ZNF391: variants seen among roughly 807,000 people sequenced by gnomAD.
ZNF391 encodes the protein zinc finger protein 391.
For missense variants in ZNF391, 375 were observed against 425.5 expected, an observed-to-expected ratio of 0.88 and a Z score of 1.04; for synonymous variants, 126 against 142.1, an observed-to-expected ratio of 0.89 and a Z score of 0.80.
At chr6:27,391,400 G>T (rs944903998) in intron 1 of ZNF391, among the ~76,000 whole-genome samples, 1 of 151,900 alleles carries the variant, frequency 6.6e-6, no homozygotes, top group Non-Finnish European at 1.5e-5. Context: ...TTGAGACAGG[G>T]TTTCCCCATG....
Position 27,376,036 on chromosome 6 carries a change from A to G in ZNF391, n.523+899A>G, listed in dbSNP as rs1761412814. 6.6e-6 allele frequency among the ~76,000 whole-genome samples: 1 copy of G among 152,198 alleles called. No homozygotes were observed. Among genetic ancestry groups the G allele is most frequent in the African/African-American group, 2.4e-5 (1 of 41,446 alleles). On this transcript the variant is annotated intron_variant and non_coding_transcript_variant, in intron 1 of 2. Coordinates refer to the ZNF391 transcript ENST00000477999. The surrounding 1 kb of genome is among the most constrained non-coding windows in gnomAD (Gnocchi z 4.7). ...CAAAGTCATTTATGGTGTAAGCCCT[A>G]TGGAGAAGATATTTCCTGCTATACC...
At chr6:27,378,490 C>G (rs1253355923) in intron 1 of ZNF391, among the ~76,000 whole-genome samples, 1 of 151,996 alleles carries the variant, frequency 6.6e-6, no homozygotes, top group African/African-American at 2.4e-5. Context: ...GATTTTTGAG[C>G]CAGGATGAGC....
rs1439180662 is a variant in ZNF391 at position 27,401,669 on chromosome 6, TG to T, written c.*223del. The T allele has an allele frequency of 2.5e-6, 1 of 404,248 alleles. No homozygotes were observed. The highest frequency in any genetic ancestry group is 2.0e-5 in the African/African-American group (1 of 49,386). The allele number at this position is 404,248 out of a possible 1,614,324, so 25.0% of individuals were successfully genotyped here. On this transcript the variant is annotated 3_prime_UTR_variant, in exon 3 of 3. Transcript: ENST00000244576. ...CCTTCCTACTTTTTCTCCCTCTCCC[TG>T]TTCTTTCTTTCTCTTTTCTCAAATA...
At chr6:27,378,795 A>C (rs1045461715) in intron 1 of ZNF391, among the ~76,000 whole-genome samples, 10 of 152,300 alleles carry the variant, frequency 6.6e-5, no homozygotes, top group African/African-American at 1.9e-4. Context: ...ATGTATTTGA[A>C]GCTGTGCATG....
At chr6:27,383,605 T>C (rs1401176098) in intron 1 of ZNF391, among the ~76,000 whole-genome samples, 1 of 152,190 alleles carries the variant, frequency 6.6e-6, no homozygotes, top group Non-Finnish European at 1.5e-5. Context: ...CTTCACATAG[T>C]GGAGAGCAGA....
At chr6:27,383,484 G>T (rs1049297454) in intron 1 of ZNF391, among the ~76,000 whole-genome samples, 30 of 152,220 alleles carry the variant, frequency 2.0e-4, no homozygotes, top group African/African-American at 7.0e-4. Context: ...ATTAACAAAA[G>T]AAATTTATTT....
chr6:27,378,866 G>C (rs13215216), intron 1 of ZNF391, among the ~76,000 whole-genome samples: 108,368 of 151,804 alleles, frequency 0.71, 38,850 homozygotes, highest in Middle Eastern at 0.8. Context: ...GGGTTTGAAG[G>C]TGCAGTGAGC....
rs1391257018 is a variant in ZNF391, at chr6:27,388,798, AGACTTAGGTCCAGGC to A, written c.-460_-446del. The A allele has an allele frequency of 2.4e-6, 1 of 417,194 alleles. No homozygotes were observed. Among genetic ancestry groups the A allele is most frequent in the Non-Finnish European group, 4.7e-6 (1 of 214,424 alleles). The allele number at this position is 417,194 out of a possible 1,614,324, so 25.8% of individuals were successfully genotyped here. On this transcript the variant is annotated 5_prime_UTR_variant, in exon 1 of 3. Transcript: ENST00000244576. ...TTTGCAACTGGTCGTCCGCGTCAGG[AGACTTAGGTCCAGGC>A]GACTGCCCAGACAATGACTGGTCCC...
intron 1 of ZNF391, among the ~76,000 whole-genome samples, chr6:27,398,846 G>A (rs978165771): frequency 1.3e-5 from 2 of 151,800 alleles, no homozygotes; most frequent in East Asian, 1.9e-4. Flanking sequence ...GCAACAGAGC[G>A]AGACTCCATC....
At chr6:27,380,796 C>A (rs1251052433) in intron 1 of ZNF391, among the ~76,000 whole-genome samples, 3 of 129,538 alleles carry the variant, frequency 2.3e-5, no homozygotes, top group Non-Finnish European at 5.1e-5. Flanking sequence ...AGGGTTGACA[C>A]AAAGGTTCTC....
upstream of ZNF391, among the ~76,000 whole-genome samples, chr6:27,387,822 G>A (rs1403020524): frequency 6.6e-6 from 1 of 152,136 alleles, no homozygotes; most frequent in Non-Finnish European, 1.5e-5. Context: ...TTGTGAATAC[G>A]CTAAAAACTT....
chr6:27,399,223 ATGTGTGTATGTATGTAACCTGTG>A (rs1282910746), intron 1 of ZNF391, among the ~76,000 whole-genome samples, 196 bp from the exon 2 acceptor site: 4 of 152,148 alleles, frequency 2.6e-5, no homozygotes, highest in African/African-American at 9.7e-5. Flanking sequence ...TCTGATGTGT[ATGTGTGTATGTATGTAACCTGTG>A]TGTGTGTATG....
At chr6:27,377,750 T>A (rs1363676604) in intron 1 of ZNF391, among the ~76,000 whole-genome samples, 1 of 152,226 alleles carries the variant, frequency 6.6e-6, no homozygotes. Flanking sequence ...CACTGGCACA[T>A]CCTCAACCTT....
chr6:27,383,274 G>A (rs1338249829), intron 1 of ZNF391, among the ~76,000 whole-genome samples: 2 of 151,140 alleles, frequency 1.3e-5, no homozygotes, highest in Non-Finnish European at 3.0e-5. Flanking sequence ...AAGACAGGGG[G>A]TGGGGAAGGA....
intron 1 of ZNF391, among the ~76,000 whole-genome samples, chr6:27,379,085 C>G (rs889053296): frequency 6.6e-6 from 1 of 152,236 alleles, no homozygotes; most frequent in African/African-American, 2.4e-5. Context: ...CCTTTACATA[C>G]TCAAACTGCT....
At position 27,402,923 on chromosome 6, in the gene ZNF391, A is replaced by G. The variant is rs1762006563; in HGVS notation, c.*1476A>G. The G allele has an allele frequency of 6.6e-6, 1 of 152,182 alleles. No homozygotes were observed. Among genetic ancestry groups the G allele is most frequent in the East Asian group, 1.9e-4 (1 of 5,198 alleles). 9.4% of individuals were successfully genotyped at this position (152,182 alleles called of 1,614,324 possible). ...TTGTTTTTGATTGATATAAAACATC[A>G]CAAAGTACTGAGTAGACACTAAATG... On this transcript the variant is annotated 3_prime_UTR_variant, in exon 3 of 3. Transcript: ENST00000244576.
rs1450225623 is a variant in ZNF391, at chr6:27,400,462, C to G, written c.92C>G (p.Pro31Arg). 5 of 1,614,150 alleles carry G rather than the reference C, an allele frequency of 3.1e-6. No individual in the cohort carries two copies. The highest frequency in any genetic ancestry group is 1.3e-5 in the African/African-American group (1 of 75,040). Residue 31 changes from proline to arginine, a missense_variant, in exon 3 of 3, where the codon CCT becomes CGT. Physicochemically the swap from Pro to Arg is moderately radical, Grantham distance 103. Transcript: ENST00000244576. ...CAATTATCAAGGCAAACAAAATGTCCTGCACAGAAGAAATCCTCTTTTGAG... is the reference window on the plus strand; with the variant it reads ...CAATTATCAAGGCAAACAAAATGTCGTGCACAGAAGAAATCCTCTTTTGAG... Reference protein sequence around the residue: ...EGQLSRQTKCPAQKKSSFENT... With the variant: ...EGQLSRQTKCRAQKKSSFENT...
chr6:27,397,348 C>A (rs886837644), intron 1 of ZNF391, among the ~76,000 whole-genome samples: 1 of 152,104 alleles, frequency 6.6e-6, no homozygotes, highest in South Asian at 2.1e-4. Context: ...CACTTATCAC[C>A]AAGAGGATGC....
chr6:27,400,010 T>A (rs1761912301), intron 2 of ZNF391, among the ~76,000 whole-genome samples: 2 of 152,204 alleles, frequency 1.3e-5, no homozygotes, highest in South Asian at 4.1e-4. Flanking sequence ...CAACTCTCTG[T>A]CATCAGCTGG....
Sources: gnomAD v4.1 joint callset for allele counts (sites outside exome capture counted in the v4.1 genomes callset) on GRCh38, gnomAD v4.1.1 for gene constraint, Gnocchi (gnomAD v3.1) non-coding constraint, MANE v1.5 for transcripts, NCBI Gene and HGNC (gene_info 2026-07-23, HGNC 2026-07-21) for gene names.